CCDC88C: variants seen among roughly 807,000 people sequenced by gnomAD.
The protein encoded by CCDC88C is coiled-coil and HOOK domain protein 88C.
In CCDC88C, 131 loss-of-function variants were observed where a neutral mutation model predicts 198.8. The ratio of observed to expected loss-of-function variants is 0.66; its 90% confidence interval spans 0.57 to 0.76. The LOEUF (loss-of-function observed/expected upper bound fraction) is 0.76, where lower values mean the gene tolerates loss of function less well. Ranked by LOEUF, CCDC88C falls within the 30% of genes least tolerant of loss-of-function variation. The probability of loss-of-function intolerance (pLI) is 0.00; values close to 1 mark genes in which losing one functional copy is unlikely to be tolerated. For synonymous variants in CCDC88C, 1,166 were observed against 1,114.7 expected (o/e 1.05, Z -0.92); for missense variants, 2,553 against 2,631.6 (o/e 0.97, Z 0.65).
rs1889840986 is a variant in CCDC88C at position 91,273,677 on chromosome 14, G to T, written c.5059-24C>A. 1.4e-6 allele frequency: 2 copies of T among 1,443,604 alleles called. No homozygotes were observed. The highest frequency in any genetic ancestry group is 1.4e-5 in the African/African-American group (1 of 69,114). The allele number at this position is 1,443,604 out of a possible 1,614,324, so 89.4% of individuals were successfully genotyped here. On this transcript the variant is annotated intron_variant, in intron 29 of 29. Coordinates refer to ENST00000389857, the MANE Select transcript of CCDC88C (RefSeq NM_001080414.4). This position sits in a 1 kb window ranked among gnomAD's most constrained non-coding sequence, Gnocchi z 5.6. ...TCCTACGGAGAAGAGAGTGAAGGTTGGAGGTGGGCATGAGGGTTGGGTGGG... is the reference window on the plus strand; with the variant it reads ...TCCTACGGAGAAGAGAGTGAAGGTTTGAGGTGGGCATGAGGGTTGGGTGGG...
Position 91,283,536 on chromosome 14 carries a change from T to C in CCDC88C, c.4442-19A>G, listed in dbSNP as rs1202911782. 24 of 1,596,886 alleles carry C rather than the reference T, an allele frequency of 1.5e-5. No individual in the cohort carries two copies. Among genetic ancestry groups the C allele is most frequent in the African/African-American group, 5.4e-5 (4 of 74,396 alleles). ...CCAGGGCCTGAGGCAGAAGAGGACA[T>C]TGAGAAATGAGGCTGCCAAGTCCTG... On this transcript the variant is annotated intron_variant, in intron 25 of 29. Coordinates refer to ENST00000389857, the MANE Select transcript of CCDC88C (RefSeq NM_001080414.4).
chr14:91,297,629 T>C, intron 21 of CCDC88C, 138 bp from the exon 22 acceptor site: 1 of 366,874 alleles, frequency 2.7e-6, no homozygotes, highest in South Asian at 3.4e-5. Flanking sequence ...TCTCTGGGCT[T>C]TTTTTTTTTT....
intron 1 of CCDC88C, 120 bp downstream of exon 1, chr14:91,417,511 G>C: frequency 1.2e-6 from 1 of 804,866 alleles, no homozygotes; most frequent in Non-Finnish European, 1.9e-6. Context: ...GCCACTTGCT[G>C]CGTCCCTCGC....
chr14:91,339,343 G>C lies in CCDC88C; in HGVS notation c.744C>G (p.Asp248Glu), dbSNP rs1249045800. 1.9e-6 allele frequency: 3 copies of C among 1,613,744 alleles called. No homozygotes were observed. Among genetic ancestry groups the C allele is most frequent in the Non-Finnish European group, 2.5e-6 (3 of 1,179,888 alleles). Reference protein sequence around the residue: ...PSPTSSLSSEDKQHLAVELAD... With the variant: ...PSPTSSLSSEEKQHLAVELAD... Reference sequence around the variant, plus strand: ...CCAGCTCTACGGCCAGGTGCTGCTTGTCTTCGCTAGAGAGGCTGCTGGTGG... The same window carrying C: ...CCAGCTCTACGGCCAGGTGCTGCTTCTCTTCGCTAGAGAGGCTGCTGGTGG... The change falls in exon 8 of 30, where the codon GAC (aspartate) becomes GAG (glutamate). Residue 248 changes from aspartate (D) to glutamate (E), a missense_variant. Coordinates refer to ENST00000389857, the MANE Select transcript of CCDC88C (RefSeq NM_001080414.4). The surrounding 1 kb of genome is among the most constrained non-coding windows in gnomAD (Gnocchi z 5.8).
At position 91,288,941 on chromosome 14, in the gene CCDC88C, C is replaced by T. The variant is rs1004668257; in HGVS notation, c.4441+164G>A. ...CAAAAGCATTATGGGACAAAACGGT[C>T]GCCACGCTGAATTTCTACTTGGCTC... On this transcript the variant is annotated intron_variant, in intron 25 of 29. Coordinates refer to ENST00000389857, the MANE Select transcript of CCDC88C (RefSeq NM_001080414.4). The surrounding 1 kb of genome is among the most constrained non-coding windows in gnomAD (Gnocchi z 4.2). The T allele has an allele frequency of 2.4e-5, 14 of 595,582 alleles. No homozygotes were observed. Among genetic ancestry groups the T allele is most frequent in the East Asian group, 5.6e-5 (2 of 35,908 alleles). The allele number at this position is 595,582 out of a possible 1,614,324, so 36.9% of individuals were successfully genotyped here.
chr14:91,397,448 A>G (rs1164903367), intron 3 of CCDC88C, among the ~76,000 whole-genome samples: 1 of 152,188 alleles, frequency 6.6e-6, no homozygotes, highest in Admixed American at 6.5e-5. Context: ...GTACACACAC[A>G]CACTCACACA....
chr14:91,294,479 G>T (rs1038850182), intron 22 of CCDC88C, among the ~76,000 whole-genome samples, 161 bp from the exon 23 acceptor site: 9 of 152,210 alleles, frequency 5.9e-5, no homozygotes, highest in Non-Finnish European at 1.2e-4. Context: ...CAATAACGTG[G>T]GAATGGCTGA....
chr14:91,326,211 T>TA (rs376522613), intron 10 of CCDC88C, among the ~76,000 whole-genome samples, 155 bp from the exon 11 acceptor site: 86 of 152,160 alleles, frequency 5.7e-4, no homozygotes, highest in African/African-American at 1.9e-3. Flanking sequence ...CTTTTTTTTT[T>TA]ATCATCTTCA....
At chr14:91,414,184 C>T (rs1408013226) in intron 2 of CCDC88C, among the ~76,000 whole-genome samples, 1 of 152,166 alleles carries the variant, frequency 6.6e-6, no homozygotes, top group African/African-American at 2.4e-5. Context: ...TTAGTTGGTG[C>T]CTCAAATCCT....
chr14:91,274,345 G>A (rs1889869408), intron 29 of CCDC88C, among the ~76,000 whole-genome samples: 1 of 152,242 alleles, frequency 6.6e-6, no homozygotes, highest in Admixed American at 6.5e-5. Context: ...CGCCCGGGCT[G>A]TGCTTCCCCT....
At chr14:91,370,669 G>A (rs1386076614) in intron 3 of CCDC88C, among the ~76,000 whole-genome samples, 1 of 152,198 alleles carries the variant, frequency 6.6e-6, no homozygotes, top group Non-Finnish European at 1.5e-5. Context: ...CTCTGCATCG[G>A]GCTTTAGGAA....
chr14:91,301,305 T>C lies in CCDC88C; in HGVS notation c.3636-1235A>G, dbSNP rs946046222. Among the ~76,000 whole-genome samples, 10 of 152,164 alleles carry C rather than the reference T, an allele frequency of 6.6e-5. No individual in the cohort carries two copies. The East Asian group carries it at 1.7e-3, about 26-fold the overall frequency. ...CAGCAAGGGAGCCTCCAGTCATCTGTCCAACCAGCAAAAAGCACTGAGTAA... is the reference window on the plus strand; with the variant it reads ...CAGCAAGGGAGCCTCCAGTCATCTGCCCAACCAGCAAAAAGCACTGAGTAA... On this transcript the variant is annotated intron_variant, in intron 20 of 29. Transcript: ENST00000389857.
Position 91,309,876 on chromosome 14 carries a change from G to A in CCDC88C, c.2847C>T (p.Asp949=), listed in dbSNP as rs200574248. 28 of 1,610,936 alleles carry A rather than the reference G, an allele frequency of 1.7e-5. No homozygotes were observed. Among genetic ancestry groups the A allele is most frequent in the African/African-American group, 2.7e-5 (2 of 74,862 alleles). The change falls in exon 16 of 30, where the codon GAC becomes GAT. Residue 949 remains aspartate, a synonymous_variant. Coordinates refer to ENST00000389857, the MANE Select transcript of CCDC88C (RefSeq NM_001080414.4). ...GLNRELLLQE[D]DSGSDTKYKI... ...GCCCTCACGTGTCACTGCCGCTGTCGTCCTCCTGCAACAGCAGCTCCCTGT... is the reference window on the plus strand; with the variant it reads ...GCCCTCACGTGTCACTGCCGCTGTCATCCTCCTGCAACAGCAGCTCCCTGT...
intron 3 of CCDC88C, among the ~76,000 whole-genome samples, chr14:91,393,726 T>C (rs1013939608): frequency 6.6e-6 from 1 of 152,222 alleles, no homozygotes; most frequent in Non-Finnish European, 1.5e-5. Flanking sequence ...TGGTGGCCCA[T>C]GCCTGTAATC....
At chr14:91,405,467 G>A (rs1408922711) in intron 3 of CCDC88C, among the ~76,000 whole-genome samples, 2 of 152,174 alleles carry the variant, frequency 1.3e-5, no homozygotes. Flanking sequence ...AAGAGGCCGG[G>A]CGGCAGCTTT....
chr14:91,292,752 C>T (rs999938005), intron 23 of CCDC88C, among the ~76,000 whole-genome samples: 1 of 152,132 alleles, frequency 6.6e-6, no homozygotes. Context: ...GCCCAACCAC[C>T]ATGGCTAGGA....
chr14:91,401,435 C>T (rs907677572), intron 3 of CCDC88C, among the ~76,000 whole-genome samples: 1 of 150,892 alleles, frequency 6.6e-6, no homozygotes, highest in Non-Finnish European at 1.5e-5. Context: ...CCCAGGATCA[C>T]GCCATTCTCC....
intron 3 of CCDC88C, among the ~76,000 whole-genome samples, chr14:91,390,245 G>A (rs890284386): frequency 6.6e-6 from 1 of 152,142 alleles, no homozygotes; most frequent in East Asian, 1.9e-4. Flanking sequence ...CACATTCTTA[G>A]TAGATGCCCG....
rs1893177477 is a variant in CCDC88C, at chr14:91,338,849, AC to A, written c.810-280del. The A allele has an allele frequency of 2.0e-6, 1 of 500,086 alleles. No individual in the cohort carries two copies. Among genetic ancestry groups the A allele is most frequent in the Non-Finnish European group, 3.6e-6 (1 of 274,528 alleles). The allele number at this position is 500,086 out of a possible 1,614,324, so 31.0% of individuals were successfully genotyped here. On this transcript the variant is annotated intron_variant, in intron 8 of 29. Coordinates refer to ENST00000389857, the MANE Select transcript of CCDC88C (RefSeq NM_001080414.4). The surrounding 1 kb of genome is among the most constrained non-coding windows in gnomAD (Gnocchi z 4.8). ...GTAAGGAGACCCCAGCGGCAGCTGT[AC>A]CACCCCACAGCCAGGCTCCACAGGT...
Sources: gnomAD v4.1 joint callset for allele counts (sites outside exome capture counted in the v4.1 genomes callset) on GRCh38, gnomAD v4.1.1 for gene constraint, Gnocchi (gnomAD v3.1) non-coding constraint, MANE v1.5 for transcripts, NCBI Gene and HGNC (gene_info 2026-07-23, HGNC 2026-07-21) for gene names.